Variants in ZNF655 observed in about 807,000 individuals in gnomAD.
The protein encoded by ZNF655 is zinc finger protein 655, also known as Vav-interacting Kruppel-like protein 1.
A neutral mutation model predicts 6.6 loss-of-function variants in ZNF655; 3 were observed. The ratio of observed to expected loss-of-function variants is 0.46; its 90% CI spans 0.21 to 1.18. The LOEUF (loss-of-function observed/expected upper bound fraction) is 1.18, where lower values mean the gene tolerates loss of function less well. Among genes scored for constraint, ZNF655 ranks in the 50% most tolerant of loss-of-function variants. The probability of loss-of-function intolerance (pLI) is 0.24; values close to 1 mark genes in which losing one functional copy is unlikely to be tolerated. For missense variants in ZNF655, 526 were observed against 572.3 expected, an observed-to-expected ratio of 0.92 and a Z score of 0.83; for synonymous variants, 178 against 195.0, an observed-to-expected ratio of 0.91 and a Z score of 0.73.
intron 2 of ZNF655, chr7:99,562,154 C>A: frequency 2.6e-6 from 2 of 759,212 alleles, no homozygotes; most frequent in Non-Finnish European, 4.1e-6. Flanking sequence ...CTCCCCAGTG[C>A]CATGAGCAAA....
rs182957299 is a variant in ZNF655 at position 99,558,950 on chromosome 7, G to T, written c.-28+163G>T. The T allele has an allele frequency of 2.0e-5, 3 of 152,466 alleles. No individual in the cohort carries two copies. The East Asian group carries it at 5.8e-4, about 29-fold the overall frequency. The allele number at this position is 152,466 out of a possible 1,614,324, so 9.4% of individuals were successfully genotyped here. ...GGAGGGCCTGTTTCTCTTCAGCCCT[G>T]GTTCATTCACCTCGCGGACCGAGGG... is the stretch of plus-strand genomic sequence containing the variant. On this transcript the variant is annotated intron_variant, in intron 1 of 2. Coordinates refer to ENST00000252713, the MANE Select transcript of ZNF655 (RefSeq NM_138494.3).
At chr7:99,565,394 C>T (rs181347897) in intron 2 of ZNF655, among the ~76,000 whole-genome samples, 2 of 152,158 alleles carry the variant, frequency 1.3e-5, no homozygotes, top group Non-Finnish European at 2.9e-5. Context: ...TGGTCTCGAT[C>T]TCCTGACCTC....
intron 2 of ZNF655, chr7:99,563,812 C>T: frequency 6.4e-7 from 1 of 1,574,060 alleles, no homozygotes; most frequent in Non-Finnish European, 8.5e-7. Flanking sequence ...AGGCTGCCCA[C>T]TGGGACGGTT....
intron 2 of ZNF655, among the ~76,000 whole-genome samples, chr7:99,561,193 G>A (rs1194109237): frequency 1.3e-5 from 2 of 152,204 alleles, no homozygotes; most frequent in Non-Finnish European, 2.9e-5. Context: ...TGAACACAAT[G>A]CCTGTATGAA....
rs573790520 is a variant in ZNF655, at chr7:99,558,682, A to G, written c.-133A>G. ...CTCCGTCGCCGGAAGTGCCACCGAG[A>G]AGCGCCGGCCTCGGGGCTGTCTACA... On this transcript the variant is annotated 5_prime_UTR_variant, in exon 1 of 3. Coordinates refer to ENST00000252713, the MANE Select transcript of ZNF655 (RefSeq NM_138494.3). 5.9e-5 allele frequency: 9 copies of G among 152,124 alleles called. No individual in the cohort carries two copies. The East Asian group carries it at 1.8e-3, about 30-fold the overall frequency. The allele number at this position is 152,124 out of a possible 1,614,324, so 9.4% of individuals were successfully genotyped here. A position where few individuals can be genotyped will look rare whatever the true frequency, so the allele number is the denominator to read the frequency against.
intron 2 of ZNF655, chr7:99,564,108 T>C (rs372667875): frequency 1.4e-4 from 222 of 1,536,864 alleles, no homozygotes; most frequent in Non-Finnish European, 1.8e-4. Flanking sequence ...ATGCCACCAC[T>C]GTGTAAAATC....
chr7:99,569,836 A>G (rs1368842538), intron 2 of ZNF655, among the ~76,000 whole-genome samples: 1 of 152,144 alleles, frequency 6.6e-6, no homozygotes, highest in Non-Finnish European at 1.5e-5. Flanking sequence ...GGGGCGTACA[A>G]GTGGTTTTTT....
chr7:99,570,940 G>A (rs1804008721), intron 2 of ZNF655: 7 of 164,250 alleles, frequency 4.3e-5, no homozygotes, highest in Admixed American at 3.8e-4. Flanking sequence ...ATTGCATTAT[G>A]CAAGCCATAG....
chr7:99,576,141 T>C lies in ZNF655; in HGVS notation c.*2557T>C, dbSNP rs908999096. 6.6e-6 allele frequency: 1 copy of C among 152,438 alleles called. No individual in the cohort carries two copies. The highest frequency in any genetic ancestry group is 1.5e-5 in the Non-Finnish European group (1 of 68,042). The allele number at this position is 152,438 out of a possible 1,614,324, so 9.4% of individuals were successfully genotyped here. A position where few individuals can be genotyped will look rare whatever the true frequency, so the allele number is the denominator to read the frequency against. Reference sequence around the variant, plus strand: ...ATCCTCCTATGGCTAACCTCTAGGATAGTTCTGCCACTATATTTTACTTCT... The same window carrying C: ...ATCCTCCTATGGCTAACCTCTAGGACAGTTCTGCCACTATATTTTACTTCT... On this transcript the variant is annotated 3_prime_UTR_variant, in exon 3 of 3. Coordinates refer to ENST00000252713, the MANE Select transcript of ZNF655 (RefSeq NM_138494.3).
chr7:99,575,866 A>G lies in ZNF655; in HGVS notation c.*2282A>G, dbSNP rs559205529. 6.6e-6 allele frequency: 1 copy of G among 152,326 alleles called. No individual in the cohort carries two copies. Among genetic ancestry groups the G allele is most frequent in the African/African-American group, 2.4e-5 (1 of 41,578 alleles). 9.4% of individuals were successfully genotyped at this position (152,326 alleles called of 1,614,324 possible). ...AAAAGAACATGGCTTTTTGACTGAT[A>G]AAAGTGATTACAGATGTTGGCTCAA... On this transcript the variant is annotated 3_prime_UTR_variant, in exon 3 of 3. Coordinates refer to ENST00000252713, the MANE Select transcript of ZNF655 (RefSeq NM_138494.3).
intron 2 of ZNF655, among the ~76,000 whole-genome samples, chr7:99,566,438 G>T (rs1218275216): frequency 6.6e-6 from 1 of 152,182 alleles, no homozygotes; most frequent in Non-Finnish European, 1.5e-5. Flanking sequence ...ATCTACAAAA[G>T]AATGATATTG....
chr7:99,563,887 C>T (rs1350720770), intron 2 of ZNF655: 3 of 1,612,556 alleles, frequency 1.9e-6, no homozygotes, highest in South Asian at 1.1e-5. Context: ...CTTCCCACCA[C>T]CCGGATTCAT....
chr7:99,569,481 CAGATTGTTTAAAGGCTAGGTTCTGAA>C (rs1803874686), intron 2 of ZNF655, among the ~76,000 whole-genome samples: 1 of 151,740 alleles, frequency 6.6e-6, no homozygotes, highest in African/African-American at 2.4e-5. Flanking sequence ...TTTTTACTAG[CAGATTGTTTAAAGGCTAGGTTCTGAA>C]ATAAGACTGT....
chr7:99,564,463 A>G (rs2151155186), intron 2 of ZNF655: 5 of 1,001,768 alleles, frequency 5.0e-6, no homozygotes, highest in South Asian at 4.4e-5. Context: ...TCAAGGTCCT[A>G]CCTTCCTACC....
At position 99,574,647 on chromosome 7, in the gene ZNF655, T is replaced by TA. The variant is rs1804295618; in HGVS notation, c.*1064dup. 6.6e-6 allele frequency: 1 copy of TA among 152,262 alleles called. No individual in the cohort carries two copies. Among genetic ancestry groups the TA allele is most frequent in the Non-Finnish European group, 1.5e-5 (1 of 68,054 alleles). 9.4% of individuals were successfully genotyped at this position (152,262 alleles called of 1,614,324 possible). On this transcript the variant is annotated 3_prime_UTR_variant, in exon 3 of 3. Coordinates refer to ENST00000252713, the MANE Select transcript of ZNF655 (RefSeq NM_138494.3). ...CTTAGTGTTCACAACTTCCATAAGA[T>TA]ACTGCTAATGCACCAGTATTAAAAC... is the stretch of plus-strand genomic sequence containing the variant.
chr7:99,560,454 C>T, intron 1 of ZNF655, 79 bp from the exon 2 acceptor site: 3 of 1,386,830 alleles, frequency 2.2e-6, no homozygotes, highest in East Asian at 2.4e-5. Flanking sequence ...TGTGTAAGAT[C>T]CTTTGCAAAG....
chr7:99,560,270 G>A (rs1803015409), intron 1 of ZNF655, among the ~76,000 whole-genome samples: 1 of 151,846 alleles, frequency 6.6e-6, no homozygotes, highest in Admixed American at 6.6e-5. Context: ...TTTTAGTAGA[G>A]AAGAAGTTGC....
chr7:99,573,674 A>C lies in ZNF655; in HGVS notation c.*90A>C. 6.9e-7 allele frequency: 1 copy of C among 1,443,342 alleles called. No individual in the cohort carries two copies. The highest frequency in any genetic ancestry group is 9.3e-7 in the Non-Finnish European group (1 of 1,074,084). 89.4% of individuals were successfully genotyped at this position (1,443,342 alleles called of 1,614,324 possible). ...CAGGGAGAAATCATGTATGTACTGC[A>C]TGTGGTAAAGCCTTCAGTCATAGCT... On this transcript the variant is annotated 3_prime_UTR_variant, in exon 3 of 3. Coordinates refer to ENST00000252713, the MANE Select transcript of ZNF655 (RefSeq NM_138494.3).
chr7:99,568,719 A>G (rs1671894671), intron 2 of ZNF655, among the ~76,000 whole-genome samples: 1 of 152,000 alleles, frequency 6.6e-6, no homozygotes, highest in Admixed American at 6.6e-5. Flanking sequence ...TGACCTCTCA[A>G]AGTGCTGGGA....
Sources: gnomAD v4.1 joint callset for allele counts (sites outside exome capture counted in the v4.1 genomes callset) on GRCh38, gnomAD v4.1.1 for gene constraint, MANE v1.5 for transcripts, NCBI Gene and HGNC (gene_info 2026-07-23, HGNC 2026-07-21) for gene names.